Variants in TFE3 observed in about 807,000 individuals in gnomAD.
TFE3 encodes the protein transcription factor E3.
A neutral mutation model predicts 35.0 loss-of-function variants in TFE3; 5 were observed. That is an observed-to-expected ratio of 0.14 (90% CI 0.07 to 0.30). TFE3 has a LOEUF of 0.30. Among genes scored for constraint, TFE3 ranks in the 10% least tolerant of loss-of-function variants. The pLI is 1.00. For synonymous variants in TFE3, 211 were observed against 215.6 expected (o/e 0.98, Z 0.18); for missense variants, 374 against 496.6 (o/e 0.75, Z 2.35).
intron 1 of TFE3, 54 bp downstream of exon 1, chrX:49,043,057 G>C: frequency 9.6e-7 from 1 of 1,043,359 alleles, no homozygotes; most frequent in Admixed American, 3.0e-5. Flanking sequence ...CTGCCCCCGA[G>C]ATCAGGCCCC....
chrX:49,035,204 C>T (rs2064721372), intron 5 of TFE3, among the ~76,000 whole-genome samples: 1 of 106,060 alleles, frequency 9.4e-6, no homozygotes, highest in Admixed American at 1.0e-4. Flanking sequence ...CACTTGTAGT[C>T]CCAGCTACTT....
At position 49,034,125 on chromosome X, in the gene TFE3, A is replaced by G. The variant is rs782346414; in HGVS notation, c.1003+9T>C. On this transcript the variant is annotated intron_variant, in intron 6 of 9. Coordinates refer to ENST00000315869, the MANE Select transcript of TFE3 (RefSeq NM_006521.6). The stretch of plus-strand genomic sequence containing the variant: ...TGTAGGGCCATGGGGCCAAGACCCT[A>G]TCACCTACCAGAGATCTCCCGTTTG... 76 of 1,196,929 alleles carry G rather than the reference A, an allele frequency of 6.3e-5. 2 individuals are homozygous for G. The South Asian group carries it at 1.3e-3, about 20-fold the overall frequency.
intron 5 of TFE3, among the ~76,000 whole-genome samples, chrX:49,037,255 C>T (rs782798965): frequency 2.3e-4 from 26 of 111,877 alleles, no homozygotes; most frequent in Non-Finnish European, 3.8e-4. Flanking sequence ...CAAGATCGCA[C>T]CGCTGCACTC....
In TFE3 at chrX:49,038,046, C is replaced by T. The variant is rs1557075030; in HGVS notation, c.849G>A (p.Leu283=). 1 of 1,205,922 alleles carries T rather than the reference C, an allele frequency of 8.3e-7. No individual in the cohort carries two copies. Among genetic ancestry groups the T allele is most frequent in the South Asian group, 1.8e-5 (1 of 55,856 alleles). ...GCTGCAGTCCTGTGGTGCCTCCGGG[C>T]AGATAGCTGAGCATTTCATCATTGT... The part of the protein sequence containing the change: ...SSYNDEMLSY[L]PGGTTGLQLP... Residue 283 remains leucine, a synonymous_variant, in exon 5 of 10, where the codon CTG becomes CTA. Transcript: ENST00000315869.
intron 1 of TFE3, 151 bp from the exon 2 acceptor site, chrX:49,040,719 C>A: frequency 2.2e-6 from 1 of 445,795 alleles, no homozygotes; most frequent in African/African-American, 2.4e-5. Flanking sequence ...GGTACCACAC[C>A]ACCATGAATT....
At chrX:49,039,963 C>CCCCCT (rs1189450581) in intron 2 of TFE3, among the ~76,000 whole-genome samples, 1 of 110,275 alleles carries the variant, frequency 9.1e-6, no homozygotes, top group Non-Finnish European at 1.9e-5. Flanking sequence ...TGCCCCTCTT[C>CCCCCT]CCCCTCCCCT....
chrX:49,041,536 T>G (rs2064760493), intron 1 of TFE3, among the ~76,000 whole-genome samples: 1 of 111,596 alleles, frequency 9.0e-6, no homozygotes, highest in Non-Finnish European at 1.9e-5. Context: ...TTTGGGTGGT[T>G]GATCCACTTT....
intron 2 of TFE3, chrX:49,039,753 G>C: frequency 5.9e-6 from 1 of 170,869 alleles, no homozygotes; most frequent in Admixed American, 7.9e-5. Context: ...AGAAGAAGCA[G>C]AATTGAGGCT....
intron 8 of TFE3, 60 bp downstream of exon 8, chrX:49,033,405 T>C (rs1360090726): frequency 4.5e-5 from 50 of 1,108,100 alleles, no homozygotes; most frequent in Non-Finnish European, 5.6e-5. Context: ...GGCACAATTT[T>C]AGTAGCATGG....
At chrX:49,035,454 T>C (rs1329232807) in intron 5 of TFE3, among the ~76,000 whole-genome samples, 14 of 75,652 alleles carry the variant, frequency 1.9e-4, no homozygotes, top group Non-Finnish European at 2.1e-4. Flanking sequence ...TCACCCAGGC[T>C]GGAGGGCAGT....
chrX:49,039,533 A>T, intron 2 of TFE3, 123 bp from the exon 3 acceptor site: 1 of 781,668 alleles, frequency 1.3e-6, no homozygotes, highest in Non-Finnish European at 1.7e-6. Flanking sequence ...TTCCGAGGCC[A>T]CAATGTAGAA....
intron 6 of TFE3, 45 bp downstream of exon 6, chrX:49,034,089 C>T (rs1203118392): frequency 3.5e-5 from 38 of 1,090,684 alleles, no homozygotes; most frequent in Non-Finnish European, 4.6e-5. Flanking sequence ...CAGGGCTCAC[C>T]TGGGGTAAAG....
Position 49,038,458 on chromosome X carries a change from G to C in TFE3, c.535-16C>G, listed in dbSNP as rs1557075158. 4 of 1,193,047 alleles carry C rather than the reference G, an allele frequency of 3.4e-6. No homozygotes were observed. Among genetic ancestry groups the C allele is most frequent in the Non-Finnish European group, 4.5e-6 (4 of 891,167 alleles). ...GGGTCTGCACCTGTGAAATAAGGTA[G>C]ACAAGGAAAGAGAGGGGACAAGGCA... On this transcript the variant is annotated splice_polypyrimidine_tract_variant and intron_variant, in intron 3 of 9. Transcript: ENST00000315869.
chrX:49,039,587 ACAGTCTGATGGGGGACACACTGGAGGT>A (rs2064749610), intron 2 of TFE3, 177 bp from the exon 3 acceptor site: 1 of 459,750 alleles, frequency 2.2e-6, no homozygotes, highest in Admixed American at 4.7e-5. Flanking sequence ...CTCAGGGGTC[ACAGTCTGATGGGGGACACACTGGAGGT>A]CAGTCTGGTG....
At chrX:49,033,573 G>A (rs1557074138) in intron 7 of TFE3, 33 bp from the exon 8 acceptor site, 1 of 1,200,621 alleles carries the variant, frequency 8.3e-7, no homozygotes, top group Admixed American at 2.2e-5. Flanking sequence ...AGAAAGAGTG[G>A]GAGAAAGAGT....
chrX:49,033,923 G>A lies in TFE3; in HGVS notation c.1004-141C>T, dbSNP rs149741986. 3.6e-4 allele frequency: 262 copies of A among 736,835 alleles called. 2 individuals are homozygous for A. In the East Asian group the frequency reaches 6.4e-3, roughly 18 times the overall value. The allele number at this position is 736,835 out of a possible 1,213,427, so 60.7% of individuals were successfully genotyped here. A position where few individuals can be genotyped will look rare whatever the true frequency, so the allele number is the denominator to read the frequency against. ...CCTTCTTTTTACTATTTTAAGCCAT[G>A]GTGATAGGCTGGTTGTTAAATCCAA... On this transcript the variant is annotated intron_variant, in intron 6 of 9. Coordinates refer to ENST00000315869, the MANE Select transcript of TFE3 (RefSeq NM_006521.6).
At chrX:49,037,699 GAAAAA>G (rs781913450) in intron 5 of TFE3, 25 of 96,309 alleles carry the variant, frequency 2.6e-4, no homozygotes, top group Non-Finnish European at 3.3e-4. Flanking sequence ...ACTCCGTCTC[GAAAAA>G]AAAAAAAAAA....
Position 49,039,343 on chromosome X carries a change from C to A in TFE3, c.298G>T (p.Gly100Cys). ...GACGACATGGCAGGGGTCCTGGAGCCCCCTGCAGAAGACGATGCAGAGAGT... is the reference window on the plus strand; with the variant it reads ...GACGACATGGCAGGGGTCCTGGAGCACCCTGCAGAAGACGATGCAGAGAGT... ...ATLSASSSAG[G>C]SRTPAMSSSS... The change falls in exon 3 of 10, where the codon GGC becomes TGC. Residue 100 changes from glycine to cysteine, a missense_variant. Transcript: ENST00000315869. 3.3e-6 allele frequency: 4 copies of A among 1,207,270 alleles called. No individual in the cohort carries two copies. Among genetic ancestry groups the A allele is most frequent in the Non-Finnish European group, 4.5e-6 (4 of 893,212 alleles).
At position 49,029,037 on chromosome X, in the gene TFE3, A is replaced by G; in HGVS notation, c.*1121T>C. ...CAATATGCTTTTACAACCCTCCTCC[A>G]AGCTTCTGCCTTGCTGGGGGAAGGC... On this transcript the variant is annotated 3_prime_UTR_variant, in exon 10 of 10. Transcript: ENST00000315869. 5.7e-6 allele frequency: 1 copy of G among 174,257 alleles called. No individual in the cohort carries two copies. The highest frequency in any genetic ancestry group is 1.1e-5 in the Non-Finnish European group (1 of 90,651). The allele number at this position is 174,257 out of a possible 1,213,427, so 14.4% of individuals were successfully genotyped here.
Sources: gnomAD v4.1 joint callset for allele counts (sites outside exome capture counted in the v4.1 genomes callset) on GRCh38, gnomAD v4.1.1 for gene constraint, MANE v1.5 for transcripts, NCBI Gene and HGNC (gene_info 2026-07-23, HGNC 2026-07-21) for gene names.